KLHL1: variants seen among roughly 807,000 people sequenced by gnomAD.
The protein encoded by KLHL1 is kelch like family member 1, also known as kelch-like protein 1.
KLHL1 carries 47 observed loss-of-function variants against 77.7 expected under a neutral mutation model. The observed-to-expected ratio is 0.60, with a 90% CI of 0.48 to 0.77. The LOEUF is 0.77. KLHL1 is among the 30% of genes least tolerant of loss of function. KLHL1 has a pLI of 0.00. For synonymous variants in KLHL1, 360 were observed against 325.2 expected (o/e 1.11, Z -1.15); for missense variants, 925 against 910.8 (o/e 1.02, Z -0.20).
chr13:69,861,121 C>CTGGTAAAT, intron 5 of KLHL1, among the ~76,000 whole-genome samples: 1 of 152,160 alleles, frequency 6.6e-6, no homozygotes, highest in East Asian at 1.9e-4. Flanking sequence ...GTAACGCTAA[C>CTGGTAAAT]TGGTAAATAT....
chr13:69,798,008 C>G (rs538112400), intron 6 of KLHL1, among the ~76,000 whole-genome samples: 1 of 152,066 alleles, frequency 6.6e-6, no homozygotes, highest in African/African-American at 2.4e-5. Flanking sequence ...AAAGAAGCAG[C>G]TAAATTACTG....
chr13:69,813,838 A>G (rs770607660), intron 6 of KLHL1, among the ~76,000 whole-genome samples: 9 of 152,198 alleles, frequency 5.9e-5, no homozygotes, highest in Non-Finnish European at 1.0e-4. Context: ...CAATCTACAG[A>G]TTTAACTCTA....
intron 4 of KLHL1, among the ~76,000 whole-genome samples, chr13:69,889,079 G>A (rs988804399): frequency 6.6e-6 from 1 of 151,472 alleles, no homozygotes; most frequent in Non-Finnish European, 1.5e-5. Flanking sequence ...TTGCTTTTTA[G>A]AATTTAAACT....
intron 6 of KLHL1, among the ~76,000 whole-genome samples, chr13:69,822,884 T>C (rs114393796): frequency 0.014 from 2,203 of 152,272 alleles, 53 homozygotes; most frequent in African/African-American, 0.049. Context: ...CAATGGCTAA[T>C]AAATATAGTG....
intron 5 of KLHL1, among the ~76,000 whole-genome samples, chr13:69,854,151 T>C (rs1169640928): frequency 6.6e-6 from 1 of 152,048 alleles, no homozygotes; most frequent in Non-Finnish European, 1.5e-5. Context: ...TAGTCCATTG[T>C]GTTGCTAGAA....
chr13:69,895,176 C>T, intron 4 of KLHL1: 2 of 480,522 alleles, frequency 4.2e-6, no homozygotes, highest in South Asian at 3.2e-5. Context: ...TTAATTCTAA[C>T]TTCAATAATT....
intron 1 of KLHL1, among the ~76,000 whole-genome samples, chr13:69,999,161 T>C (rs1442814311): frequency 6.6e-6 from 1 of 152,130 alleles, no homozygotes; most frequent in Non-Finnish European, 1.5e-5. Context: ...TATTATGTAT[T>C]ATGTACATGT....
intron 1 of KLHL1, among the ~76,000 whole-genome samples, chr13:70,053,472 T>C (rs890190463): frequency 6.6e-6 from 1 of 152,052 alleles, no homozygotes; most frequent in African/African-American, 2.4e-5. Flanking sequence ...CAATAAAATA[T>C]TTTAGCAGAA....
At chr13:70,107,106 A>G (rs1888079720) in intron 1 of KLHL1, 97 bp downstream of exon 1, 31 of 1,504,066 alleles carry the variant, frequency 2.1e-5, no homozygotes, top group East Asian at 6.9e-5. Context: ...CACATTTTCA[A>G]CCTGAAACAT....
Position 69,796,720 on chromosome 13 carries a change from A to T in KLHL1, c.1639+18T>A, listed in dbSNP as rs1264681159. ...ATAACATGTTTCTAAAAGTAATATC[A>T]ATAAAGTAAGATCTTACCTAGACCA... On this transcript the variant is annotated intron_variant, in intron 7 of 10. Transcript: ENST00000377844. The T allele has an allele frequency of 6.6e-7, 1 of 1,511,646 alleles. No individual in the cohort carries two copies. The allele number at this position is 1,511,646 out of a possible 1,614,324, so 93.6% of individuals were successfully genotyped here. A position where few individuals can be genotyped will look rare whatever the true frequency, so the allele number is the denominator to read the frequency against.
At chr13:69,925,149 T>G (rs949487275) in intron 4 of KLHL1, among the ~76,000 whole-genome samples, 1 of 152,124 alleles carries the variant, frequency 6.6e-6, no homozygotes, top group African/African-American at 2.4e-5. Context: ...GGTTTTCAGC[T>G]GGTGAAGCAA....
chr13:69,842,308 A>C (rs952642674), intron 5 of KLHL1, among the ~76,000 whole-genome samples: 9 of 151,922 alleles, frequency 5.9e-5, no homozygotes, highest in South Asian at 2.1e-4. Context: ...AGAGAGGACA[A>C]ATACGCAGAA....
chr13:69,931,096 T>G lies in KLHL1; in HGVS notation c.1014+8944A>C, dbSNP rs148579492. 3.6e-3 allele frequency among the ~76,000 whole-genome samples: 541 copies of G among 151,830 alleles called. 4 individuals are homozygous for G. The highest frequency in any genetic ancestry group is 0.012 in the African/African-American group (516 of 41,544). ...GAAACACTACTTTATAAAATGATAA[T>G]TCACTTACTCTCTTTTCAAATATAA... On this transcript the variant is annotated intron_variant, in intron 4 of 10. Coordinates refer to ENST00000377844, the MANE Select transcript of KLHL1 (RefSeq NM_020866.3).
At chr13:69,965,008 G>A (rs1370970271) in intron 2 of KLHL1, among the ~76,000 whole-genome samples, 1 of 152,004 alleles carries the variant, frequency 6.6e-6, no homozygotes, top group East Asian at 1.9e-4. Flanking sequence ...TTAGTTCTTA[G>A]GCATTGTTAT....
rs563372016 is a variant in KLHL1, at chr13:70,009,650, A to G, written c.498-33848T>C. ...GCTGTGTTACTTAAAGGATATGTAAATGTGGTCAAGACAACCTGTCTCCAT... is the reference window on the plus strand; with the variant it reads ...GCTGTGTTACTTAAAGGATATGTAAGTGTGGTCAAGACAACCTGTCTCCAT... On this transcript the variant is annotated intron_variant, in intron 1 of 10. Transcript: ENST00000377844. Among the ~76,000 whole-genome samples the G allele has an allele frequency of 4.6e-5, 7 of 152,286 alleles. No homozygotes were observed. In the South Asian group the frequency reaches 1.0e-3, roughly 23 times the overall value.
intron 1 of KLHL1, among the ~76,000 whole-genome samples, chr13:70,079,948 G>A (rs559542612): frequency 1.4e-4 from 21 of 152,206 alleles, no homozygotes; most frequent in African/African-American, 4.1e-4. Flanking sequence ...CTTGCTGATC[G>A]CCAGTGCAGG....
chr13:70,021,013 G>A (rs1885777725), intron 1 of KLHL1, among the ~76,000 whole-genome samples: 1 of 151,974 alleles, frequency 6.6e-6, no homozygotes, highest in Non-Finnish European at 1.5e-5. Flanking sequence ...TATAATTGGT[G>A]AAACTATGTT....
At chr13:69,883,271 G>C (rs1317459641) in intron 4 of KLHL1, among the ~76,000 whole-genome samples, 4 of 152,018 alleles carry the variant, frequency 2.6e-5, no homozygotes, top group African/African-American at 9.7e-5. Flanking sequence ...TCTTGTTTAA[G>C]CAAGCTGGTG....
chr13:70,091,719 GT>G (rs1244039953), intron 1 of KLHL1, among the ~76,000 whole-genome samples: 1 of 152,120 alleles, frequency 6.6e-6, no homozygotes, highest in Non-Finnish European at 1.5e-5. Context: ...TGGACCACCA[GT>G]TCCAGGAGAC....
Sources: allele counts gnomAD v4.1 joint callset (sites outside exome capture counted in the v4.1 genomes callset), GRCh38; gene constraint gnomAD v4.1.1; transcripts MANE v1.5; gene names NCBI Gene and HGNC (gene_info 2026-07-23, HGNC 2026-07-21).